NRG3: variants seen among roughly 807,000 people sequenced by gnomAD.
The protein encoded by NRG3 is pro-neuregulin-3, membrane-bound isoform.
In NRG3, 31 loss-of-function variants were observed where a neutral mutation model predicts 66.9. The ratio of observed to expected loss-of-function variants is 0.46; its 90% CI spans 0.35 to 0.63. NRG3 has a LOEUF of 0.63. NRG3 is among the 20% of genes least tolerant of loss of function. The pLI, the probability that NRG3 is intolerant of heterozygous loss-of-function variation, is 0.00. For missense variants in NRG3, 910 were observed against 878.9 expected (o/e 1.04, Z -0.45); for synonymous variants, 393 against 359.4 (o/e 1.09, Z -1.06).
chr10:82,189,767 G>T (rs1374202098), intron 1 of NRG3, among the ~76,000 whole-genome samples: 1 of 151,038 alleles, frequency 6.6e-6, no homozygotes, highest in Non-Finnish European at 1.5e-5. Context: ...TCCAGCCTGG[G>T]TGACAGAGCA....
intron 2 of NRG3, among the ~76,000 whole-genome samples, chr10:82,726,491 G>A (rs771540012): frequency 6.6e-6 from 1 of 152,128 alleles, no homozygotes; most frequent in Non-Finnish European, 1.5e-5. Context: ...AATGGGAGTT[G>A]CCCTGCCCTG....
chr10:82,449,917 TG>T (rs2136558669), intron 2 of NRG3, among the ~76,000 whole-genome samples: 1 of 152,258 alleles, frequency 6.6e-6, no homozygotes, highest in East Asian at 1.9e-4. Context: ...ATGGGTGACA[TG>T]ATACACTCTT....
intron 1 of NRG3, among the ~76,000 whole-genome samples, chr10:81,950,085 C>A (rs1849208331): frequency 6.6e-6 from 1 of 152,158 alleles, no homozygotes; most frequent in South Asian, 2.1e-4. Context: ...TTCCAATGTG[C>A]CAAGTTCTTA....
intron 4 of NRG3, among the ~76,000 whole-genome samples, chr10:82,886,264 T>G (rs1450065377): frequency 6.6e-6 from 1 of 151,830 alleles, no homozygotes; most frequent in Non-Finnish European, 1.5e-5. Context: ...ATTATGTGTC[T>G]TCTTTTCATA....
intron 3 of NRG3, among the ~76,000 whole-genome samples, chr10:82,746,228 TCA>T (rs2058639594): frequency 1.3e-5 from 2 of 152,128 alleles, no homozygotes; most frequent in Non-Finnish European, 2.9e-5. Flanking sequence ...AAAGCAGGCC[TCA>T]CAGGGCCAGA....
intron 1 of NRG3, among the ~76,000 whole-genome samples, chr10:82,031,548 TG>T (rs1388325584): frequency 2.6e-5 from 4 of 152,258 alleles, no homozygotes; most frequent in African/African-American, 7.2e-5. Flanking sequence ...AACATATTAT[TG>T]TATTTTTCTA....
At chr10:82,458,689 T>C (rs1200083750) in intron 2 of NRG3, among the ~76,000 whole-genome samples, 1 of 152,134 alleles carries the variant, frequency 6.6e-6, no homozygotes, top group African/African-American at 2.4e-5. Context: ...GTCCCTACTG[T>C]GATATTTCTA....
At chr10:82,082,636 G>A (rs1379593498) in intron 1 of NRG3, among the ~76,000 whole-genome samples, 2 of 152,150 alleles carry the variant, frequency 1.3e-5, no homozygotes, top group Non-Finnish European at 2.9e-5. Flanking sequence ...ACAAAAAATA[G>A]AGATGCAGAA....
intron 1 of NRG3, among the ~76,000 whole-genome samples, chr10:82,010,985 G>A (rs920219758): frequency 1.3e-5 from 2 of 152,194 alleles, no homozygotes; most frequent in Non-Finnish European, 2.9e-5. Context: ...ATCCTGTTTG[G>A]AGACCCAGGC....
chr10:82,854,577 A>AT (rs1255468116), intron 3 of NRG3, among the ~76,000 whole-genome samples: 30 of 152,372 alleles, frequency 2.0e-4, no homozygotes, highest in African/African-American at 7.0e-4. Flanking sequence ...TGTAAAACAA[A>AT]ATATAGTAAA....
At chr10:82,216,424 C>T (rs1199431131) in intron 1 of NRG3, among the ~76,000 whole-genome samples, 8 of 151,114 alleles carry the variant, frequency 5.3e-5, no homozygotes, top group African/African-American at 2.0e-4. Flanking sequence ...AGTTTACAGA[C>T]AAGATAGTAG....
intron 8 of NRG3, 129 bp from the exon 9 acceptor site, chr10:82,984,969 T>C: frequency 7.7e-7 from 1 of 1,300,388 alleles, no homozygotes; most frequent in African/African-American, 1.5e-5. Flanking sequence ...GGGAACCTAT[T>C]ATCCGTCTCA....
chr10:82,152,984 A>T (rs1016056387), intron 1 of NRG3, among the ~76,000 whole-genome samples: 6 of 151,974 alleles, frequency 3.9e-5, no homozygotes, highest in African/African-American at 1.5e-4. Context: ...TGATACACAC[A>T]CGCGCACACA....
intron 1 of NRG3, among the ~76,000 whole-genome samples, chr10:81,925,747 TAAA>T (rs34656715): frequency 0.32 from 48,040 of 150,188 alleles, 9,815 homozygotes; most frequent in East Asian, 0.63. Context: ...ACTTTTTTTT[TAAA>T]AAAAAAAGAG....
At chr10:82,727,230 G>T (rs1391526993) in intron 2 of NRG3, among the ~76,000 whole-genome samples, 1 of 152,248 alleles carries the variant, frequency 6.6e-6, no homozygotes, top group Non-Finnish European at 1.5e-5. Context: ...GTAACAAGGA[G>T]CCGAATGTTA....
rs564815106 is a variant in NRG3 at position 82,218,584 on chromosome 10, G to A, written c.824-140155G>A. On this transcript the variant is annotated intron_variant, in intron 1 of 8. Coordinates refer to ENST00000372141, the MANE Select transcript of NRG3 (RefSeq NM_001010848.4). ...CTTTGCTACTCTCATTCAAGACACT[G>A]TACAGCCCAGAACTTCCAGCCTGTG... is the stretch of plus-strand genomic sequence containing the variant. 2.6e-5 allele frequency among the ~76,000 whole-genome samples: 4 copies of A among 152,182 alleles called. No individual in the cohort carries two copies. In the South Asian group the frequency reaches 8.3e-4, roughly 32 times the overall value.
intron 2 of NRG3, among the ~76,000 whole-genome samples, chr10:82,545,362 A>G (rs982576142): frequency 6.6e-6 from 1 of 151,588 alleles, no homozygotes; most frequent in Non-Finnish European, 1.5e-5. Context: ...TTTTTAAAGT[A>G]ATCTTGCTAA....
At chr10:82,479,693 C>T (rs959211389) in intron 2 of NRG3, among the ~76,000 whole-genome samples, 8 of 146,378 alleles carry the variant, frequency 5.5e-5, no homozygotes, top group Admixed American at 4.1e-4. Flanking sequence ...AAAAGCCCGG[C>T]ACCGGGGCTC....
chr10:81,981,047 C>T (rs546683522), intron 1 of NRG3, among the ~76,000 whole-genome samples: 8 of 152,252 alleles, frequency 5.3e-5, no homozygotes, highest in Non-Finnish European at 7.4e-5. Flanking sequence ...AAATCCGTAA[C>T]GTTTGACTTT....
Sources: allele counts gnomAD v4.1 joint callset (sites outside exome capture counted in the v4.1 genomes callset), GRCh38; gene constraint gnomAD v4.1.1; transcripts MANE v1.5; gene names NCBI Gene and HGNC (gene_info 2026-07-23, HGNC 2026-07-21).